ST6GALNAC3: variants seen among roughly 807,000 people sequenced by gnomAD.
ST6GALNAC3 encodes ST6 N-acetylgalactosaminide alpha-2,6-sialyltransferase 3, also known as alpha-N-acetylgalactosaminide alpha-2,6-sialyltransferase 3.
In ST6GALNAC3, 25 loss-of-function variants were observed where a neutral mutation model predicts 32.7. The observed-to-expected ratio is 0.76, with a 90% CI of 0.56 to 1.07. The LOEUF (loss-of-function observed/expected upper bound fraction) is 1.07. Ranked by LOEUF, ST6GALNAC3 falls within the 50% of genes least tolerant of loss-of-function variation. The pLI is 0.00. For missense variants in ST6GALNAC3, 355 were observed against 382.4 expected, an observed-to-expected ratio of 0.93 and a Z score of 0.60; for synonymous variants, 129 against 133.1, an observed-to-expected ratio of 0.97 and a Z score of 0.21.
chr1:76,194,791 A>G (rs1167519156), intron 1 of ST6GALNAC3, among the ~76,000 whole-genome samples: 1 of 152,050 alleles, frequency 6.6e-6, no homozygotes, highest in Non-Finnish European at 1.5e-5. Flanking sequence ...CTACAGCAAA[A>G]CTCCAATTGG....
At chr1:76,308,899 G>A (rs1661231404) in intron 1 of ST6GALNAC3, among the ~76,000 whole-genome samples, 1 of 152,116 alleles carries the variant, frequency 6.6e-6, no homozygotes, top group South Asian at 2.1e-4. Context: ...TTTGTTTTAT[G>A]ATTTTAACTC....
intron 3 of ST6GALNAC3, among the ~76,000 whole-genome samples, chr1:76,556,839 C>T (rs315052): frequency 0.06 from 9,097 of 152,072 alleles, 939 homozygotes; most frequent in African/African-American, 0.21. Flanking sequence ...ACTTTCTTGC[C>T]AGTGTGCTTT....
chr1:76,184,519 G>GCGCGCACACA (rs1335590722), intron 1 of ST6GALNAC3, among the ~76,000 whole-genome samples: 157 of 134,176 alleles, frequency 1.2e-3, no homozygotes, highest in African/African-American at 4.3e-3. Flanking sequence ...CTCCTGGGCA[G>GCGCGCACACA]CACACACACA....
intron 1 of ST6GALNAC3, among the ~76,000 whole-genome samples, chr1:76,143,966 GTCT>G (rs1278472436): frequency 6.6e-6 from 1 of 152,188 alleles, no homozygotes; most frequent in East Asian, 1.9e-4. Context: ...TTGGGCCTCA[GTCT>G]TCTTATCTGT....
chr1:76,387,962 T>A (rs962848837), intron 2 of ST6GALNAC3, among the ~76,000 whole-genome samples: 1 of 152,044 alleles, frequency 6.6e-6, no homozygotes, highest in African/African-American at 2.4e-5. Context: ...TCAAGGTGAG[T>A]CTCCGGTGGA....
At chr1:76,494,743 GCACACACA>G (rs34912507) in intron 3 of ST6GALNAC3, among the ~76,000 whole-genome samples, 2 of 130,332 alleles carry the variant, frequency 1.5e-5, no homozygotes, top group East Asian at 2.2e-4. Context: ...TCATGTGTAT[GCACACACA>G]CACACACACA....
chr1:76,524,276 G>A (rs1179697214), intron 3 of ST6GALNAC3, among the ~76,000 whole-genome samples: 1 of 152,078 alleles, frequency 6.6e-6, no homozygotes, highest in Non-Finnish European at 1.5e-5. Context: ...CTTGTCAGTA[G>A]TAATTTGAGA....
At chr1:76,541,545 GCAGCTAACTGCACC>G (rs1663992551) in intron 3 of ST6GALNAC3, among the ~76,000 whole-genome samples, 1 of 152,206 alleles carries the variant, frequency 6.6e-6, no homozygotes, top group South Asian at 2.1e-4. Flanking sequence ...TATTAGTCAT[GCAGCTAACTGCACC>G]CACCTTTCCA....
At chr1:76,403,153 T>C (rs970027161) in intron 2 of ST6GALNAC3, among the ~76,000 whole-genome samples, 1 of 152,096 alleles carries the variant, frequency 6.6e-6, no homozygotes, top group Non-Finnish European at 1.5e-5. Context: ...ATTTATTAGG[T>C]AGTATGATTT....
chr1:76,380,979 T>A (rs987063505), intron 2 of ST6GALNAC3, among the ~76,000 whole-genome samples: 4 of 152,114 alleles, frequency 2.6e-5, no homozygotes, highest in Non-Finnish European at 5.9e-5. Flanking sequence ...TAGTAGTTTT[T>A]AAAATGTGTT....
intron 1 of ST6GALNAC3, among the ~76,000 whole-genome samples, chr1:76,274,747 G>C (rs1048228549): frequency 6.6e-6 from 1 of 152,124 alleles, no homozygotes; most frequent in Non-Finnish European, 1.5e-5. Context: ...GGGTGGAGGG[G>C]GGTGCTTTTC....
At chr1:76,506,484 A>G (rs1277248910) in intron 3 of ST6GALNAC3, among the ~76,000 whole-genome samples, 4 of 152,194 alleles carry the variant, frequency 2.6e-5, no homozygotes, top group East Asian at 1.9e-4. Flanking sequence ...GAGGTTATCA[A>G]CATAGCAAAA....
chr1:76,280,858 G>A (rs1659456470), intron 1 of ST6GALNAC3, among the ~76,000 whole-genome samples: 1 of 152,146 alleles, frequency 6.6e-6, no homozygotes, highest in Admixed American at 6.5e-5. Context: ...AGGCAAATGA[G>A]ATAATACATG....
chr1:76,242,177 A>G (rs1052405552), intron 1 of ST6GALNAC3, among the ~76,000 whole-genome samples: 7 of 152,116 alleles, frequency 4.6e-5, no homozygotes, highest in Non-Finnish European at 1.0e-4. Context: ...GATTTTTCTC[A>G]TTTAGGAAGA....
chr1:76,482,548 T>C (rs1214252320), intron 3 of ST6GALNAC3, among the ~76,000 whole-genome samples: 4 of 152,148 alleles, frequency 2.6e-5, no homozygotes, highest in Non-Finnish European at 5.9e-5. Flanking sequence ...TTGTTGCATT[T>C]AATACAACAA....
intron 3 of ST6GALNAC3, among the ~76,000 whole-genome samples, chr1:76,540,996 A>C (rs1049740124): frequency 6.6e-6 from 1 of 152,168 alleles, no homozygotes; most frequent in Non-Finnish European, 1.5e-5. Context: ...AGGGACCCCT[A>C]AGTAAGTTTT....
At chr1:76,201,030 A>G (rs1050212667) in intron 1 of ST6GALNAC3, among the ~76,000 whole-genome samples, 5 of 152,124 alleles carry the variant, frequency 3.3e-5, no homozygotes, top group African/African-American at 1.2e-4. Context: ...AATACAAAAC[A>G]AATTGTACCC....
intron 1 of ST6GALNAC3, among the ~76,000 whole-genome samples, chr1:76,150,716 C>T (rs548351624): frequency 2.0e-5 from 3 of 152,300 alleles, no homozygotes; most frequent in South Asian, 2.1e-4. Context: ...CTCCCTGCTT[C>T]GTTCCCACCT....
At chr1:76,264,045 C>T (rs1162180642) in intron 1 of ST6GALNAC3, among the ~76,000 whole-genome samples, 1 of 152,046 alleles carries the variant, frequency 6.6e-6, no homozygotes, top group Admixed American at 6.6e-5. Context: ...AGACATTCAC[C>T]GTTATTATTT....
Sources: gnomAD v4.1 joint callset for allele counts (sites outside exome capture counted in the v4.1 genomes callset) on GRCh38, gnomAD v4.1.1 for gene constraint, MANE v1.5 for transcripts, NCBI Gene and HGNC (gene_info 2026-07-23, HGNC 2026-07-21) for gene names.